Variants in PDE1A observed in about 807,000 individuals in gnomAD.
PDE1A encodes dual specificity calcium/calmodulin-dependent 3',5'-cyclic nucleotide phosphodiesterase 1A.
A neutral mutation model predicts 61.7 loss-of-function variants in PDE1A; 35 were observed. That is an observed-to-expected ratio of 0.57 (90% CI 0.43 to 0.75). The LOEUF (loss-of-function observed/expected upper bound fraction) is 0.75. Among genes scored for constraint, PDE1A ranks in the 30% least tolerant of loss-of-function variants. The pLI is 0.00. For synonymous variants in PDE1A, 232 were observed against 213.2 expected (o/e 1.09, Z -0.77); for missense variants, 597 against 630.6 (o/e 0.95, Z 0.57).
At chr2:182,503,169 T>C (rs1294598505) in intron 2 of PDE1A, among the ~76,000 whole-genome samples, 1 of 151,938 alleles carries the variant, frequency 6.6e-6, no homozygotes, top group Non-Finnish European at 1.5e-5. Context: ...CTCAAATATG[T>C]CCCAAATCTT....
At chr2:182,190,223 G>A (rs1685574603) in intron 10 of PDE1A, among the ~76,000 whole-genome samples, 1 of 152,118 alleles carries the variant, frequency 6.6e-6, no homozygotes, top group Non-Finnish European at 1.5e-5. Context: ...CAAAGAAGTA[G>A]GAAAATAGTT....
chr2:182,427,044 C>T lies in PDE1A; in HGVS notation c.-414G>A. ...CTGGTCAAGCTCCGAAAGGCTAAGTCCCTCCCTGTCTTTAAAACAGACTGT... is the reference window on the plus strand; with the variant it reads ...CTGGTCAAGCTCCGAAAGGCTAAGTTCCTCCCTGTCTTTAAAACAGACTGT... On this transcript the variant is annotated 5_prime_UTR_variant, in exon 1 of 14. Transcript: ENST00000351439. The T allele has an allele frequency of 1.0e-6, 1 of 992,042 alleles. No individual in the cohort carries two copies. Among genetic ancestry groups the T allele is most frequent in the Non-Finnish European group, 1.2e-6 (1 of 834,220 alleles). 61.5% of individuals were successfully genotyped at this position (992,042 alleles called of 1,614,324 possible). A position where few individuals can be genotyped will look rare whatever the true frequency, so the allele number is the denominator to read the frequency against.
downstream of PDE1A, among the ~76,000 whole-genome samples, chr2:182,144,646 G>A (rs894995537): frequency 6.6e-6 from 1 of 151,988 alleles, no homozygotes; most frequent in South Asian, 2.1e-4. Flanking sequence ...CAGAGACATG[G>A]CCAGGCTGCG....
chr2:182,236,392 AC>A (rs1189421535), intron 3 of PDE1A, among the ~76,000 whole-genome samples: 2 of 150,414 alleles, frequency 1.3e-5, no homozygotes, highest in Non-Finnish European at 3.0e-5. Flanking sequence ...TCTAGTCATT[AC>A]TATTAATACT....
the PDE1A span, among the ~76,000 whole-genome samples, chr2:182,704,135 C>CG: frequency 1.6e-4 from 23 of 142,426 alleles, no homozygotes; most frequent in East Asian, 2.3e-3. Context: ...TGCTCGAATC[C>CG]GGGGGGCAGA....
the PDE1A span, among the ~76,000 whole-genome samples, chr2:182,552,898 C>G: frequency 1.3e-5 from 2 of 152,170 alleles, no homozygotes; most frequent in Non-Finnish European, 2.9e-5. Flanking sequence ...AGCTTTCGCT[C>G]GCCATCCACC....
At chr2:182,272,700 C>A (rs1270699161) in intron 1 of PDE1A, among the ~76,000 whole-genome samples, 1 of 151,848 alleles carries the variant, frequency 6.6e-6, no homozygotes, top group African/African-American at 2.4e-5. Flanking sequence ...GTGAGAGAAA[C>A]CTGTAAGGGA....
At chr2:182,367,136 A>C (rs1454077154) in intron 1 of PDE1A, among the ~76,000 whole-genome samples, 3 of 151,320 alleles carry the variant, frequency 2.0e-5, no homozygotes, top group Non-Finnish European at 4.4e-5. Flanking sequence ...TCAAGTTAGA[A>C]AAAAAAACAA....
chr2:182,278,042 A>G (rs1412758594), intron 1 of PDE1A, among the ~76,000 whole-genome samples: 1 of 152,008 alleles, frequency 6.6e-6, no homozygotes, highest in African/African-American at 2.4e-5. Context: ...TCTGGCCAAG[A>G]GATCCTGATG....
chr2:182,396,113 C>A (rs1701689895), intron 1 of PDE1A, among the ~76,000 whole-genome samples: 1 of 152,240 alleles, frequency 6.6e-6, no homozygotes, highest in Non-Finnish European at 1.5e-5. Flanking sequence ...TGCCACCCTG[C>A]CTTCTCTCCC....
intron 2 of PDE1A, among the ~76,000 whole-genome samples, chr2:182,448,996 AT>A (rs1449576217): frequency 1.3e-5 from 2 of 151,466 alleles, no homozygotes; most frequent in African/African-American, 4.8e-5. Context: ...ATTTAAAATA[AT>A]AAGTATTGGA....
At chr2:182,683,755 A>G in the PDE1A span, among the ~76,000 whole-genome samples, 1 of 152,222 alleles carries the variant, frequency 6.6e-6, no homozygotes, top group African/African-American at 2.4e-5. Context: ...TTTTAGGTAA[A>G]GACCTGAAAA....
At chr2:182,566,088 C>T in the PDE1A span, among the ~76,000 whole-genome samples, 4 of 152,106 alleles carry the variant, frequency 2.6e-5, no homozygotes, top group Non-Finnish European at 5.9e-5. Context: ...TTCAAGGTAG[C>T]TTCCAGACCT....
At chr2:182,226,441 T>C (rs1689148849) in intron 6 of PDE1A, among the ~76,000 whole-genome samples, 1 of 149,730 alleles carries the variant, frequency 6.7e-6, no homozygotes, top group Non-Finnish European at 1.5e-5. Flanking sequence ...TACAAACTAA[T>C]ATAGGAAGAG....
the PDE1A span, among the ~76,000 whole-genome samples, chr2:182,705,133 A>C: frequency 6.6e-6 from 1 of 152,230 alleles, no homozygotes; most frequent in African/African-American, 2.4e-5. Flanking sequence ...GAAAACCTCC[A>C]GGTGTCCTGA....
intron 7 of PDE1A, among the ~76,000 whole-genome samples, chr2:182,211,252 G>A (rs1687570439): frequency 1.3e-5 from 2 of 152,172 alleles, no homozygotes; most frequent in African/African-American, 4.8e-5. Context: ...AGTCGTGTTA[G>A]CACCATTTAT....
chr2:182,173,956 A>G (rs985364071), intron 13 of PDE1A, among the ~76,000 whole-genome samples: 1 of 151,630 alleles, frequency 6.6e-6, no homozygotes, highest in South Asian at 2.1e-4. Flanking sequence ...CAAAAAATCA[A>G]TTTTTACTTT....
chr2:182,216,214 C>A lies in PDE1A; in HGVS notation c.776+7650G>T, dbSNP rs2125567020. Among the ~76,000 whole-genome samples the A allele has an allele frequency of 2.9e-5, 2 of 69,516 alleles. 1 individual carries two copies. The highest frequency in any genetic ancestry group is 9.6e-4 in the South Asian group (2 of 2,086). 45.6% of individuals were successfully genotyped at this position (69,516 alleles called of 152,430 possible). A position where few individuals can be genotyped will look rare whatever the true frequency, so the allele number is the denominator to read the frequency against. On this transcript the variant is annotated intron_variant, in intron 7 of 13. Coordinates refer to ENST00000351439, the Ensembl canonical transcript of PDE1A. ...AGAAAAAGCCTTTGACAAAATTCAA[C>A]AACCCTTCATGCTAAAAACTCTCCA...
the PDE1A span, among the ~76,000 whole-genome samples, chr2:182,683,298 T>G: frequency 1.3e-5 from 2 of 151,928 alleles, no homozygotes; most frequent in African/African-American, 4.8e-5. Flanking sequence ...AGGCTGGTCT[T>G]GAACTCCTGA....
Sources: gnomAD v4.1 joint callset for allele counts (sites outside exome capture counted in the v4.1 genomes callset) on GRCh38, gnomAD v4.1.1 for gene constraint, MANE v1.5 for transcripts, NCBI Gene and HGNC (gene_info 2026-07-23, HGNC 2026-07-21) for gene names.